Variants in NEK11 observed in about 807,000 individuals in gnomAD.
NEK11 encodes the protein NIMA related kinase 11.
NEK11 carries 72 observed loss-of-function variants against 80.7 expected under a neutral mutation model. That is an observed-to-expected ratio of 0.89 (90% CI 0.74 to 1.08). The LOEUF (loss-of-function observed/expected upper bound fraction) is 1.08, where lower values mean the gene tolerates loss of function less well. Ranked by LOEUF, NEK11 falls within the 50% of genes least tolerant of loss-of-function variation. NEK11 has a pLI of 0.00. For synonymous variants in NEK11, 251 were observed against 260.7 expected, an observed-to-expected ratio of 0.96 and a Z score of 0.36; for missense variants, 764 against 763.6, an observed-to-expected ratio of 1.00 and a Z score of -0.01.
At chr3:131,333,556 CAACT>C (rs1186182282) in intron 17 of NEK11, among the ~76,000 whole-genome samples, 4 of 152,180 alleles carry the variant, frequency 2.6e-5, no homozygotes, top group Admixed American at 2.6e-4. Flanking sequence ...GAAACTGCAT[CAACT>C]AACGAGCAAA....
chr3:131,067,535 T>A (rs1367636766), intron 3 of NEK11, among the ~76,000 whole-genome samples: 2 of 152,184 alleles, frequency 1.3e-5, no homozygotes, highest in Non-Finnish European at 2.9e-5. Flanking sequence ...CACATTACCA[T>A]CAACAACAGC....
In NEK11 at chr3:131,165,431, T is replaced by C. The variant is rs375648069; in HGVS notation, c.1088T>C (p.Ile363Thr). Residue 363 changes from isoleucine to threonine, a missense_variant, in exon 12 of 18, where the codon ATT becomes ACT. Ile to Thr is a moderately conservative substitution (Grantham distance 89). Coordinates refer to ENST00000383366, the MANE Select transcript of NEK11 (RefSeq NM_024800.5). ...ADEKARKLKK[I>T]VEEKYEENSK... ...CATTCACTTTAAATTTACAGAAAGATTGTGGAAGAAAAATATGAAGAAAAT... is the reference window on the plus strand; with the variant it reads ...CATTCACTTTAAATTTACAGAAAGACTGTGGAAGAAAAATATGAAGAAAAT... 8.1e-6 allele frequency: 13 copies of C among 1,598,872 alleles called. No homozygotes were observed. In the African/African-American group the frequency reaches 1.6e-4, roughly 20 times the overall value.
At chr3:131,208,340 A>T (rs539974775) in intron 14 of NEK11, among the ~76,000 whole-genome samples, 23 of 152,344 alleles carry the variant, frequency 1.5e-4, no homozygotes, top group African/African-American at 4.8e-4. Flanking sequence ...TTTTGGTGCC[A>T]GTACCATGCT....
chr3:131,119,401 A>G (rs1439246817), intron 5 of NEK11, among the ~76,000 whole-genome samples: 1 of 152,124 alleles, frequency 6.6e-6, no homozygotes, highest in African/African-American at 2.4e-5. Flanking sequence ...TATGTGGTCA[A>G]TTTTGGAATA....
intron 14 of NEK11, among the ~76,000 whole-genome samples, chr3:131,199,124 C>A (rs1220819299): frequency 1.3e-5 from 2 of 151,748 alleles, no homozygotes; most frequent in Non-Finnish European, 2.9e-5. Context: ...CGCAAAATTT[C>A]TATATAGCAA....
intron 17 of NEK11, among the ~76,000 whole-genome samples, chr3:131,332,785 G>A (rs2097113686): frequency 6.6e-6 from 1 of 152,232 alleles, no homozygotes; most frequent in Non-Finnish European, 1.5e-5. Context: ...AGCTGATGGA[G>A]CTGAAAGCCA....
chr3:131,145,630 C>G (rs184673733), intron 7 of NEK11, among the ~76,000 whole-genome samples: 133 of 152,170 alleles, frequency 8.7e-4, no homozygotes, highest in African/African-American at 3.1e-3. Context: ...TCAGGGCTAG[C>G]CCTGATTTCC....
chr3:131,159,410 G>A (rs1243279899), intron 10 of NEK11, among the ~76,000 whole-genome samples: 1 of 152,178 alleles, frequency 6.6e-6, no homozygotes, highest in African/African-American at 2.4e-5. Flanking sequence ...TACAGGAGCT[G>A]ACAGAAAAAT....
Position 131,251,151 on chromosome 3 carries a change from A to T in NEK11, c.1621+7655A>T, listed in dbSNP as rs537112976. On this transcript the variant is annotated intron_variant, in intron 16 of 17. Coordinates refer to ENST00000383366, the MANE Select transcript of NEK11 (RefSeq NM_024800.5). ...CAGATTGTCTAAAACAGAAAAGTTT[A>T]AAAAAAATAGTTGTATAAACATGTG... Among the ~76,000 whole-genome samples, 60 of 151,514 alleles carry T rather than the reference A, an allele frequency of 4.0e-4. 1 individual carries two copies. In the South Asian group the frequency reaches 8.7e-3, roughly 22 times the overall value.
intron 4 of NEK11, among the ~76,000 whole-genome samples, chr3:131,099,824 C>A (rs944448031): frequency 1.3e-5 from 2 of 152,304 alleles, no homozygotes; most frequent in South Asian, 4.1e-4. Flanking sequence ...ATTTTGTATC[C>A]TGAAACCTTA....
chr3:131,081,382 G>A (rs570208752), intron 4 of NEK11, among the ~76,000 whole-genome samples: 1 of 152,246 alleles, frequency 6.6e-6, no homozygotes, highest in Admixed American at 6.5e-5. Flanking sequence ...TTTACAGCTT[G>A]AAGTATTTAC....
At chr3:131,248,355 G>A (rs2095640221) in intron 16 of NEK11, among the ~76,000 whole-genome samples, 1 of 152,006 alleles carries the variant, frequency 6.6e-6, no homozygotes, top group African/African-American at 2.4e-5. Flanking sequence ...TGATCATATG[G>A]TTCTTAAAAA....
chr3:131,251,358 A>G (rs2108289214), intron 16 of NEK11, among the ~76,000 whole-genome samples: 1 of 152,120 alleles, frequency 6.6e-6, no homozygotes, highest in Middle Eastern at 3.4e-3. Flanking sequence ...CAATTTTTAA[A>G]AAGAGGTAAG....
chr3:131,244,000 AT>A (rs368964446), intron 16 of NEK11, among the ~76,000 whole-genome samples: 1,643 of 149,152 alleles, frequency 0.011, 17 homozygotes, highest in African/African-American at 0.033. Flanking sequence ...AGTTTCTTCT[AT>A]TTTTTTTTTA....
At chr3:131,033,855 A>C (rs2065238287) in intron 3 of NEK11, among the ~76,000 whole-genome samples, 1 of 152,216 alleles carries the variant, frequency 6.6e-6, no homozygotes, top group Admixed American at 6.5e-5. Flanking sequence ...AATATTGGGC[A>C]TCCCTTTTTT....
At chr3:131,347,157 T>C (rs544882177) in intron 17 of NEK11, among the ~76,000 whole-genome samples, 5 of 152,264 alleles carry the variant, frequency 3.3e-5, no homozygotes, top group African/African-American at 9.6e-5. Flanking sequence ...AAACTTATTG[T>C]GGAGCCTAGG....
intron 14 of NEK11, among the ~76,000 whole-genome samples, chr3:131,188,970 G>T (rs1284637451): frequency 1.3e-5 from 2 of 152,134 alleles, no homozygotes; most frequent in African/African-American, 4.8e-5. Flanking sequence ...ATTACAGTGG[G>T]CCCTGAATCC....
intron 14 of NEK11, among the ~76,000 whole-genome samples, chr3:131,197,614 AC>A (rs1412276771): frequency 6.6e-6 from 1 of 152,162 alleles, no homozygotes; most frequent in Non-Finnish European, 1.5e-5. Flanking sequence ...TCTGATGGGT[AC>A]TATCAATGCC....
intron 9 of NEK11, among the ~76,000 whole-genome samples, chr3:131,153,751 A>G (rs773566635): frequency 2.0e-5 from 3 of 152,206 alleles, no homozygotes; most frequent in Non-Finnish European, 2.9e-5. Context: ...AGGAACAGGT[A>G]TGTTTCCTGT....
Sources: allele counts gnomAD v4.1 joint callset (sites outside exome capture counted in the v4.1 genomes callset), GRCh38; gene constraint gnomAD v4.1.1; transcripts MANE v1.5; gene names NCBI Gene and HGNC (gene_info 2026-07-23, HGNC 2026-07-21).